The following IQGAP3 variants were observed in gnomAD, a reference collection of about 807,000 sequenced individuals.
IQGAP3 encodes IQ motif containing GTPase activating protein 3.
In IQGAP3, 165 loss-of-function variants were observed where a neutral mutation model predicts 208.2. The ratio of observed to expected loss-of-function variants is 0.79; its 90% CI spans 0.70 to 0.90. The LOEUF is 0.90. IQGAP3 is among the 40% of genes least tolerant of loss of function. The probability of loss-of-function intolerance (pLI) is 0.00; values close to 1 mark genes in which losing one functional copy is unlikely to be tolerated. For missense variants in IQGAP3, 1,811 were observed against 2,043.1 expected (o/e 0.89, Z 2.19); for synonymous variants, 703 against 803.6 (o/e 0.87, Z 2.12).
chr1:156,554,344 C>A lies in IQGAP3; in HGVS notation c.1339G>T (p.Val447Leu), dbSNP rs1324167396. Residue 447 changes from valine to leucine, a missense_variant, in exon 13 of 38, where the codon GTG (valine) becomes TTG (leucine). Val to Leu is a conservative substitution (Grantham distance 32). Coordinates refer to ENST00000361170, the MANE Select transcript of IQGAP3 (RefSeq NM_178229.5). Reference sequence around the variant, plus strand: ...TCCAGGGCCCGGTTAATCAGGACCACAGCTGAGAGCATCTCCACAGCCACG... The same window carrying A: ...TCCAGGGCCCGGTTAATCAGGACCAAAGCTGAGAGCATCTCCACAGCCACG... ...LFVAVEMLSA[V>L]VLINRALEAR... 6.2e-7 allele frequency: 1 copy of A among 1,613,532 alleles called. No individual in the cohort carries two copies.
At chr1:156,570,621 GC>G (rs1361062949) in intron 1 of IQGAP3, among the ~76,000 whole-genome samples, 2 of 152,040 alleles carry the variant, frequency 1.3e-5, no homozygotes, top group South Asian at 2.1e-4. Context: ...TCCCACCTCA[GC>G]CCCCCCACCA....
At chr1:156,545,983 G>C (rs2102395820) in intron 19 of IQGAP3, among the ~76,000 whole-genome samples, 1 of 152,262 alleles carries the variant, frequency 6.6e-6, no homozygotes, top group African/African-American at 2.4e-5. Context: ...CCCTCTGTTG[G>C]GATAGGATGT....
chr1:156,536,543 A>C (rs1016831686), intron 27 of IQGAP3, among the ~76,000 whole-genome samples: 2 of 152,304 alleles, frequency 1.3e-5, no homozygotes, highest in Non-Finnish European at 2.9e-5. Flanking sequence ...GGTAGAAAGA[A>C]TAAGTTCTGG....
At chr1:156,541,480 G>A (rs1267473255) in intron 22 of IQGAP3, among the ~76,000 whole-genome samples, 1 of 151,880 alleles carries the variant, frequency 6.6e-6, no homozygotes, top group Non-Finnish European at 1.5e-5. Context: ...ATTGGCATTT[G>A]AGCAAAAAAG....
chr1:156,533,205 T>C (rs1374486703), intron 31 of IQGAP3, 99 bp from the exon 32 acceptor site: 4 of 1,457,916 alleles, frequency 2.7e-6, no homozygotes, highest in Non-Finnish European at 3.8e-6. Flanking sequence ...TCACATTAAA[T>C]CAGCTGCTCC....
chr1:156,528,392 A>T lies in IQGAP3; in HGVS notation c.4673+117T>A, dbSNP rs1674210985. 5.0e-5 allele frequency: 36 copies of T among 717,664 alleles called. No individual in the cohort carries two copies. In the South Asian group the frequency reaches 6.3e-4, roughly 13 times the overall value. 44.5% of individuals were successfully genotyped at this position (717,664 alleles called of 1,614,324 possible). ...GCTCTGTCTCCACCATCATTCTAGC[A>T]GCTCCTTCAAGATCGGGACCATGCT... is the stretch of plus-strand genomic sequence containing the variant. On this transcript the variant is annotated intron_variant, in intron 36 of 37. Transcript: ENST00000361170.
chr1:156,539,185 A>G, intron 25 of IQGAP3, 152 bp from the exon 26 acceptor site: 1 of 823,498 alleles, frequency 1.2e-6, no homozygotes, highest in Non-Finnish European at 2.0e-6. Context: ...TTGTGTTAGC[A>G]TGTCAGCCCA....
chr1:156,569,181 A>G (rs1778825), intron 2 of IQGAP3, among the ~76,000 whole-genome samples, 195 bp downstream of exon 2: 150,596 of 152,048 alleles, frequency 0.99, 74,597 homozygotes, highest in Middle Eastern at 1. Context: ...TTGGAGATAC[A>G]TATTGCGGTA....
At chr1:156,569,325 G>C in intron 2 of IQGAP3, 51 bp downstream of exon 2, 1 of 1,191,138 alleles carries the variant, frequency 8.4e-7, no homozygotes, top group Non-Finnish European at 1.2e-6. Context: ...CCTAGGGTGG[G>C]GTGGTAGAAA....
chr1:156,529,168 C>T, intron 34 of IQGAP3, 86 bp from the exon 35 acceptor site: 2 of 1,344,004 alleles, frequency 1.5e-6, no homozygotes, highest in Non-Finnish European at 2.1e-6. Flanking sequence ...GAGCTACACA[C>T]TGTGAGGCTC....
In IQGAP3 at chr1:156,540,885, T is replaced by C. The variant is rs1674946288; in HGVS notation, c.2562A>G (p.Val854=). Residue 854 remains valine, a synonymous_variant, in exon 23 of 38, where the codon GTA becomes GTG. Transcript: ENST00000361170. ...GATTCAAGAGATGGGCAAATCTGCG[T>C]ACCACACTGAGAGGAGGGTGGGGTG... The part of the protein sequence containing the change: ...VHAPHPPLSV[V]RRFAHLLNQS... The C allele has an allele frequency of 6.2e-7, 1 of 1,613,832 alleles. No individual in the cohort carries two copies. Among genetic ancestry groups the C allele is most frequent in the Non-Finnish European group, 8.5e-7 (1 of 1,179,992 alleles).
At chr1:156,568,798 G>C (rs781090813) in intron 2 of IQGAP3, among the ~76,000 whole-genome samples, 1 of 152,082 alleles carries the variant, frequency 6.6e-6, no homozygotes, top group Non-Finnish European at 1.5e-5. Context: ...GGGTATACAG[G>C]AATAAGCTGA....
At chr1:156,530,461 TC>T in intron 33 of IQGAP3, 144 bp from the exon 34 acceptor site, 5 of 657,294 alleles carry the variant, frequency 7.6e-6, no homozygotes, top group Non-Finnish European at 1.3e-5. Flanking sequence ...GAGCCCAGCC[TC>T]TGCAGGATAT....
intron 4 of IQGAP3, 42 bp from the exon 5 acceptor site, chr1:156,564,733 A>T (rs4661184): frequency 6.9e-7 from 1 of 1,445,632 alleles, no homozygotes; most frequent in Non-Finnish European, 9.7e-7. Context: ...GGGAACCTTT[A>T]AGCACCACCA....
Position 156,566,465 on chromosome 1 carries a change from G to A in IQGAP3, c.207C>T (p.Ala69=), listed in dbSNP as rs1190691308. Residue 69 remains alanine, a synonymous_variant, in exon 3 of 38, where the codon GCC becomes GCT. Coordinates refer to ENST00000361170, the MANE Select transcript of IQGAP3 (RefSeq NM_178229.5). ...EESLRNGVLL[A]KLGHCFAPSV... Reference sequence around the variant, plus strand: ...AGGGTGCAAAACAGTGGCCTAGCTTGGCCAGCAGCACTCCATTCCGAAGGC... The same window carrying A: ...AGGGTGCAAAACAGTGGCCTAGCTTAGCCAGCAGCACTCCATTCCGAAGGC... 3.7e-6 allele frequency: 6 copies of A among 1,613,942 alleles called. No individual in the cohort carries two copies. In the Admixed American group the frequency reaches 8.3e-5, roughly 22 times the overall value.
rs1408333695 is a variant in IQGAP3 at position 156,534,691 on chromosome 1, C to T, written c.3550G>A (p.Val1184Met). ...ATGTCGAAGGCGTCAGGAGCCACCA[C>T]AGCTGGGTTCAGGAAGCGGTAGTAC... ...LLYYRFLNPAVVAPDAFDIVA... is the reference protein window; with the variant it reads ...LLYYRFLNPAMVAPDAFDIVA... The change falls in exon 29 of 38, where the codon GTG becomes ATG. Residue 1184 changes from valine to methionine, a missense_variant. Transcript: ENST00000361170. 1.9e-6 allele frequency: 3 copies of T among 1,607,476 alleles called. No individual in the cohort carries two copies. The highest frequency in any genetic ancestry group is 1.3e-5 in the African/African-American group (1 of 74,770).
chr1:156,569,762 G>C (rs939262489), intron 1 of IQGAP3, among the ~76,000 whole-genome samples: 4 of 152,004 alleles, frequency 2.6e-5, no homozygotes, highest in African/African-American at 9.7e-5. Flanking sequence ...CTCGTGATCC[G>C]CCCGCCTTGG....
intron 5 of IQGAP3, 74 bp downstream of exon 5, chr1:156,564,541 C>A: frequency 3.1e-6 from 3 of 964,036 alleles, no homozygotes; most frequent in South Asian, 2.6e-5. Context: ...TTCTTTCTTG[C>A]TGAGTTTGTT....
At chr1:156,528,659 C>T in intron 35 of IQGAP3, 49 bp from the exon 36 acceptor site, 1 of 1,455,848 alleles carries the variant, frequency 6.9e-7, no homozygotes, top group Middle Eastern at 1.8e-4. Flanking sequence ...CACTTTACCA[C>T]CAAAGAAACT....
Sources: allele counts gnomAD v4.1 joint callset (sites outside exome capture counted in the v4.1 genomes callset), GRCh38; gene constraint gnomAD v4.1.1; transcripts MANE v1.5; gene names NCBI Gene and HGNC (gene_info 2026-07-23, HGNC 2026-07-21).